SPON1: variants seen among roughly 807,000 people sequenced by gnomAD.
SPON1 encodes spondin-1.
Under a neutral mutation model 111.7 loss-of-function variants are expected in SPON1, and 52 were observed. The observed-to-expected ratio is 0.47, with a 90% CI of 0.37 to 0.59. The LOEUF is 0.59. Among genes scored for constraint, SPON1 ranks in the 20% least tolerant of loss-of-function variants. The probability of loss-of-function intolerance (pLI) is 0.00; values close to 1 mark genes in which losing one functional copy is unlikely to be tolerated. For synonymous variants in SPON1, 410 were observed against 395.8 expected (o/e 1.04, Z -0.43); for missense variants, 957 against 1,068.5 (o/e 0.90, Z 1.46).
At chr11:14,194,291 C>T (rs1848377892) in intron 6 of SPON1, among the ~76,000 whole-genome samples, 1 of 152,182 alleles carries the variant, frequency 6.6e-6, no homozygotes, top group Non-Finnish European at 1.5e-5. Flanking sequence ...CCTTACACAG[C>T]ATACACCTAT....
intron 3 of SPON1, among the ~76,000 whole-genome samples, chr11:14,072,935 C>T (rs1261024692): frequency 1.3e-5 from 2 of 152,146 alleles, no homozygotes; most frequent in Non-Finnish European, 2.9e-5. Flanking sequence ...TACCCATCTT[C>T]CCAGCTCATC....
At chr11:14,044,051 C>T (rs4534565) in intron 3 of SPON1, among the ~76,000 whole-genome samples, 60,493 of 151,978 alleles carry the variant, frequency 0.4, 13,104 homozygotes, top group South Asian at 0.57. Context: ...TCACAGAAAA[C>T]GACTCCCATT....
At chr11:14,208,152 A>T (rs1848534914) in intron 6 of SPON1, among the ~76,000 whole-genome samples, 1 of 152,224 alleles carries the variant, frequency 6.6e-6, no homozygotes, top group Non-Finnish European at 1.5e-5. Context: ...GAACTAAGTG[A>T]TGAGAACACA....
intron 6 of SPON1, among the ~76,000 whole-genome samples, chr11:14,156,787 C>A (rs1308349217): frequency 6.6e-6 from 1 of 152,006 alleles, no homozygotes; most frequent in Admixed American, 6.6e-5. Flanking sequence ...TCAGGTTTGT[C>A]AAAGATCAGA....
At chr11:14,147,500 C>G (rs1442662849) in intron 6 of SPON1, among the ~76,000 whole-genome samples, 3 of 152,180 alleles carry the variant, frequency 2.0e-5, no homozygotes, top group African/African-American at 7.2e-5. Flanking sequence ...TCACTGCAAC[C>G]TCTGCCTCCA....
At chr11:14,221,778 G>A (rs890735207) in intron 6 of SPON1, among the ~76,000 whole-genome samples, 1 of 152,150 alleles carries the variant, frequency 6.6e-6, no homozygotes, top group African/African-American at 2.4e-5. Flanking sequence ...ACATGATGCA[G>A]GGCAAGAGGA....
chr11:14,088,054 A>G (rs782207989), intron 5 of SPON1, among the ~76,000 whole-genome samples: 2 of 152,184 alleles, frequency 1.3e-5, no homozygotes, highest in Non-Finnish European at 2.9e-5. Flanking sequence ...TCCTGAATAC[A>G]GCACACTGAT....
intron 3 of SPON1, among the ~76,000 whole-genome samples, chr11:14,055,564 G>A (rs1848739083): frequency 6.6e-6 from 1 of 152,206 alleles, no homozygotes; most frequent in Non-Finnish European, 1.5e-5. Context: ...AAGAATCTGT[G>A]AGAATCCTTA....
chr11:14,155,515 T>A lies in SPON1; in HGVS notation c.825+19947T>A, dbSNP rs528575201. Among the ~76,000 whole-genome samples the A allele has an allele frequency of 1.3e-4, 19 of 151,274 alleles. No homozygotes were observed. In the South Asian group the frequency reaches 3.8e-3, roughly 30 times the overall value. On this transcript the variant is annotated intron_variant, in intron 6 of 15. Coordinates refer to ENST00000576479, the MANE Select transcript of SPON1 (RefSeq NM_006108.4). Reference sequence around the variant, plus strand: ...TTATTTATTTTTATTTTATTATTATTATACTTTAAGTTTTAGGGTACATGT... The same window carrying A: ...TTATTTATTTTTATTTTATTATTATAATACTTTAAGTTTTAGGGTACATGT...
chr11:14,024,318 G>A (rs1848501898), intron 2 of SPON1, among the ~76,000 whole-genome samples: 2 of 152,150 alleles, frequency 1.3e-5, no homozygotes, highest in Non-Finnish European at 1.5e-5. Flanking sequence ...AAGAGCAGAG[G>A]GCTTTCTGTA....
chr11:14,104,103 C>G (rs1033732415), intron 5 of SPON1, among the ~76,000 whole-genome samples: 1 of 151,788 alleles, frequency 6.6e-6, no homozygotes, highest in Non-Finnish European at 1.5e-5. Context: ...ATTAGTAGAC[C>G]TTTTTAGTGA....
rs1554941624 is a variant in SPON1, at chr11:14,259,352, G to A, written c.1565G>A (p.Arg522Lys). 5 of 1,611,688 alleles carry A rather than the reference G, an allele frequency of 3.1e-6. No individual in the cohort carries two copies. The highest frequency in any genetic ancestry group is 4.5e-5 in the East Asian group (2 of 44,818). The change falls in exon 12 of 16, where the codon AGG (arginine) becomes AAG (lysine). Residue 522 changes from arginine to lysine, a missense_variant. Coordinates refer to ENST00000576479, the MANE Select transcript of SPON1 (RefSeq NM_006108.4). The surrounding 1 kb of genome is among the most constrained non-coding windows in gnomAD (Gnocchi z 5.0). Reference sequence around the variant, plus strand: ...AGCATCTCCTGCGGCATGGGCATGAGGTCCCGGGAGAGGTATGTGAAGCAG... The same window carrying A: ...AGCATCTCCTGCGGCATGGGCATGAAGTCCCGGGAGAGGTATGTGAAGCAG... ...PCSISCGMGM[R>K]SRERYVKQFP... is the part of the protein sequence containing the mutation.
chr11:14,063,446 C>T (rs781801966), intron 3 of SPON1, among the ~76,000 whole-genome samples: 3 of 152,154 alleles, frequency 2.0e-5, no homozygotes, highest in Non-Finnish European at 2.9e-5. Flanking sequence ...TCCCACTCTT[C>T]CTTTCTTCCT....
chr11:14,045,406 C>T (rs542244321), intron 3 of SPON1, among the ~76,000 whole-genome samples: 4 of 151,914 alleles, frequency 2.6e-5, no homozygotes, highest in Admixed American at 6.6e-5. Context: ...GTGAAACCCC[C>T]GTCTCTTCTA....
intron 6 of SPON1, among the ~76,000 whole-genome samples, chr11:14,184,961 G>T (rs553574742): frequency 3.5e-4 from 54 of 152,302 alleles, no homozygotes; most frequent in Middle Eastern, 3.4e-3. Flanking sequence ...GTCAGAAGAA[G>T]GGTACACCAT....
Position 13,965,547 on chromosome 11 carries a change from T to A in SPON1, c.238+2405T>A, listed in dbSNP as rs557891221. On this transcript the variant is annotated intron_variant, in intron 1 of 15. Transcript: ENST00000576479. The stretch of plus-strand genomic sequence containing the variant: ...TAGGGAGTGTCCTGGACTTTCACCC[T>A]ACAGGCTACTCCTGCCTAAACAGCC... Among the ~76,000 whole-genome samples, 4 of 152,276 alleles carry A rather than the reference T, an allele frequency of 2.6e-5. No homozygotes were observed. In the South Asian group the frequency reaches 8.3e-4, roughly 32 times the overall value.
chr11:14,042,394 G>GA (rs35189442), intron 3 of SPON1, among the ~76,000 whole-genome samples: 70,071 of 149,178 alleles, frequency 0.47, 17,025 homozygotes, highest in East Asian at 0.65. Flanking sequence ...AAGTCCTGGC[G>GA]AAAAAAAAAA....
chr11:13,982,772 T>C (rs1848153965), intron 1 of SPON1, 75 bp from the exon 2 acceptor site: 6 of 1,007,470 alleles, frequency 6.0e-6, no homozygotes, highest in Admixed American at 2.0e-5. Flanking sequence ...GATGGAGAAC[T>C]CAGGTCTATC....
chr11:14,207,377 T>C (rs1848528627), intron 6 of SPON1, among the ~76,000 whole-genome samples: 1 of 151,686 alleles, frequency 6.6e-6, no homozygotes, highest in Non-Finnish European at 1.5e-5. Flanking sequence ...TGGTTTCTAA[T>C]TAGAGCTTCT....
Sources: gnomAD v4.1 joint callset for allele counts (sites outside exome capture counted in the v4.1 genomes callset) on GRCh38, gnomAD v4.1.1 for gene constraint, Gnocchi (gnomAD v3.1) non-coding constraint, MANE v1.5 for transcripts, NCBI Gene and HGNC (gene_info 2026-07-23, HGNC 2026-07-21) for gene names.